The following MRTFA variants were observed in gnomAD, a reference collection of about 807,000 sequenced individuals.
The protein encoded by MRTFA is myocardin related transcription factor A, also known as myocardin-related transcription factor A.
In MRTFA, 20 loss-of-function variants were observed where a neutral mutation model predicts 83.5. The observed-to-expected ratio is 0.24, with a 90% CI of 0.17 to 0.35. The LOEUF (loss-of-function observed/expected upper bound fraction) is 0.35. Ranked by LOEUF, MRTFA falls within the 10% of genes least tolerant of loss-of-function variation. The pLI, the probability that MRTFA is intolerant of heterozygous loss-of-function variation, is 1.00. For missense variants in MRTFA, 1,200 were observed against 1,224.7 expected (o/e 0.98, Z 0.30); for synonymous variants, 659 against 541.2 (o/e 1.22, Z -3.02).
At chr22:40,634,890 T>C (rs1170901268) in intron 1 of MRTFA, among the ~76,000 whole-genome samples, 3 of 152,192 alleles carry the variant, frequency 2.0e-5, no homozygotes, top group Non-Finnish European at 4.4e-5. Context: ...ATGGGATACA[T>C]ATTACTCTTC....
At chr22:40,476,462 CTTTTT>C (rs768949101) in intron 3 of MRTFA, among the ~76,000 whole-genome samples, 52 of 152,004 alleles carry the variant, frequency 3.4e-4, no homozygotes, top group Non-Finnish European at 7.2e-4. Context: ...TGTTTCTTTT[CTTTTT>C]TGTTTTTTGA....
At chr22:40,495,545 G>A (rs1297946847) in intron 3 of MRTFA, among the ~76,000 whole-genome samples, 2 of 150,004 alleles carry the variant, frequency 1.3e-5, no homozygotes, top group African/African-American at 2.5e-5. Flanking sequence ...GAACACTTGA[G>A]GTCAGGAGTT....
At chr22:40,489,988 A>G (rs2054245211) in intron 3 of MRTFA, among the ~76,000 whole-genome samples, 1 of 150,700 alleles carries the variant, frequency 6.6e-6, no homozygotes, top group South Asian at 2.1e-4. Context: ...AAAAAAAAAA[A>G]TCAGAAAAGT....
In MRTFA at chr22:40,452,264, A is replaced by G. The variant is rs184052627; in HGVS notation, c.307+10957T>C. On this transcript the variant is annotated intron_variant, in intron 4 of 14. Coordinates refer to ENST00000355630, the MANE Select transcript of MRTFA (RefSeq NM_020831.6). Reference sequence around the variant, plus strand: ...CTCCCCAAGTGCTGGGATTACTGGCATAAGCTATCGCGCCTGGCCTGAAGA... The same window carrying G: ...CTCCCCAAGTGCTGGGATTACTGGCGTAAGCTATCGCGCCTGGCCTGAAGA... Among the ~76,000 whole-genome samples, 731 of 152,276 alleles carry G rather than the reference A, an allele frequency of 4.8e-3. 6 individuals are homozygous for G. The highest frequency in any genetic ancestry group is 7.5e-3 in the Non-Finnish European group (511 of 68,026).
At chr22:40,534,805 G>A (rs947891542) in intron 3 of MRTFA, among the ~76,000 whole-genome samples, 2 of 152,140 alleles carry the variant, frequency 1.3e-5, no homozygotes, top group Non-Finnish European at 2.9e-5. Flanking sequence ...AATCTTTCTC[G>A]TTAACTATCA....
rs572268327 is a variant in MRTFA at position 40,422,187 on chromosome 22, G to A, written c.928-1087C>T. On this transcript the variant is annotated intron_variant, in intron 9 of 14. Transcript: ENST00000355630. ...GGAGGCAGAGGGCAGAGCCTAAGGAGCACCCCCAATTAAAGGGAGGAGGAA... is the reference window on the plus strand; with the variant it reads ...GGAGGCAGAGGGCAGAGCCTAAGGAACACCCCCAATTAAAGGGAGGAGGAA... Among the ~76,000 whole-genome samples the A allele has an allele frequency of 2.0e-5, 3 of 152,166 alleles. No individual in the cohort carries two copies. The East Asian group carries it at 5.8e-4, about 30-fold the overall frequency.
At chr22:40,425,854 C>A (rs2052943658) in intron 7 of MRTFA, among the ~76,000 whole-genome samples, 1 of 152,144 alleles carries the variant, frequency 6.6e-6, no homozygotes, top group Admixed American at 6.5e-5. Context: ...TGTGGAAAAC[C>A]CAGGGCTGGT....
At chr22:40,561,198 GTGTGTGTGTGTGTC>G (rs764870735) in intron 2 of MRTFA, among the ~76,000 whole-genome samples, 100 of 135,780 alleles carry the variant, frequency 7.4e-4, no homozygotes, top group Non-Finnish European at 1.1e-3. Flanking sequence ...GGGTATCTCT[GTGTGTGTGTGTGTC>G]TGTGTGTGTG....
intron 3 of MRTFA, among the ~76,000 whole-genome samples, chr22:40,508,040 G>A (rs2054608665): frequency 6.7e-6 from 1 of 149,768 alleles, no homozygotes; most frequent in South Asian, 2.1e-4. Context: ...CAGTACCTGG[G>A]CACAGGTGCT....
chr22:40,496,871 C>T (rs900507421), intron 3 of MRTFA, among the ~76,000 whole-genome samples: 12 of 152,304 alleles, frequency 7.9e-5, no homozygotes, highest in Admixed American at 2.6e-4. Flanking sequence ...TCCTGGTTTC[C>T]AGCAATATTA....
intron 3 of MRTFA, among the ~76,000 whole-genome samples, chr22:40,488,068 AAAAC>A (rs1427910784): frequency 6.6e-6 from 1 of 152,198 alleles, no homozygotes; most frequent in Non-Finnish European, 1.5e-5. Flanking sequence ...TGAGAAATGA[AAAAC>A]AAATCACTAC....
intron 1 of MRTFA, among the ~76,000 whole-genome samples, chr22:40,628,309 T>G (rs1346032667): frequency 6.6e-6 from 1 of 152,198 alleles, no homozygotes; most frequent in East Asian, 1.9e-4. Flanking sequence ...AAACTTGACA[T>G]GGACATGTTA....
chr22:40,544,833 A>G (rs1050806801), intron 3 of MRTFA, among the ~76,000 whole-genome samples: 1 of 152,090 alleles, frequency 6.6e-6, no homozygotes, highest in Non-Finnish European at 1.5e-5. Context: ...ACTACTCAGG[A>G]GGGTGAGGCA....
At chr22:40,422,118 GGAA>G (rs2147076476) in intron 9 of MRTFA, among the ~76,000 whole-genome samples, 1 of 150,198 alleles carries the variant, frequency 6.7e-6, no homozygotes, top group South Asian at 2.1e-4. Context: ...CTGGGGAGCA[GGAA>G]GAAGTACAGG....
At chr22:40,495,154 G>C (rs1472261403) in intron 3 of MRTFA, among the ~76,000 whole-genome samples, 1 of 149,622 alleles carries the variant, frequency 6.7e-6, no homozygotes, top group Admixed American at 6.7e-5. Context: ...TGAGAGGATT[G>C]CTTGAGCCCA....
At chr22:40,470,608 T>C (rs2053892608) in intron 3 of MRTFA, among the ~76,000 whole-genome samples, 1 of 151,500 alleles carries the variant, frequency 6.6e-6, no homozygotes, top group Admixed American at 6.6e-5. Flanking sequence ...AATTAAACCA[T>C]GGTAAGTAGA....
chr22:40,587,183 T>G (rs766235577), intron 2 of MRTFA: 6 of 459,112 alleles, frequency 1.3e-5, no homozygotes, highest in Admixed American at 2.4e-5. Context: ...ATGCAAAGAT[T>G]GCAGTTACTC....
chr22:40,527,754 A>T (rs1267744868), intron 3 of MRTFA, among the ~76,000 whole-genome samples: 2 of 148,526 alleles, frequency 1.3e-5, no homozygotes, highest in African/African-American at 5.0e-5. Flanking sequence ...GCAAGACTCC[A>T]TCTTAAAAAA....
chr22:40,492,706 A>C (rs2054290527), intron 3 of MRTFA, among the ~76,000 whole-genome samples: 1 of 152,172 alleles, frequency 6.6e-6, no homozygotes, highest in Non-Finnish European at 1.5e-5. Flanking sequence ...TTCATCTTTA[A>C]AATGTTTGAA....
Sources: gnomAD v4.1 joint callset for allele counts (sites outside exome capture counted in the v4.1 genomes callset) on GRCh38, gnomAD v4.1.1 for gene constraint, MANE v1.5 for transcripts, NCBI Gene and HGNC (gene_info 2026-07-23, HGNC 2026-07-21) for gene names.